RASGEF1C: variants seen among roughly 807,000 people sequenced by gnomAD.
The protein encoded by RASGEF1C is RasGEF domain family member 1C.
In RASGEF1C, 27 loss-of-function variants were observed where a neutral mutation model predicts 58.1. That is an observed-to-expected ratio of 0.46 (90% CI 0.34 to 0.64). RASGEF1C has a LOEUF of 0.64. RASGEF1C is among the 30% of genes least tolerant of loss of function. The pLI is 0.01. For synonymous variants in RASGEF1C, 243 were observed against 246.3 expected, an observed-to-expected ratio of 0.99 and a Z score of 0.13; for missense variants, 502 against 605.1, an observed-to-expected ratio of 0.83 and a Z score of 1.79.
intron 1 of RASGEF1C, among the ~76,000 whole-genome samples, chr5:180,174,482 G>A (rs1264860452): frequency 1.7e-5 from 1 of 60,054 alleles, no homozygotes; most frequent in Non-Finnish European, 4.0e-5. Flanking sequence ...ATGTGTGTCT[G>A]TGTGTGCGCG....
intron 4 of RASGEF1C, among the ~76,000 whole-genome samples, chr5:180,130,212 C>T (rs1428914269): frequency 3.9e-5 from 6 of 152,196 alleles, no homozygotes; most frequent in African/African-American, 1.4e-4. Context: ...TGGATGAGTA[C>T]TGTTGGGAGC....
At chr5:180,140,676 C>G (rs1299008743) in intron 1 of RASGEF1C, among the ~76,000 whole-genome samples, 1 of 152,208 alleles carries the variant, frequency 6.6e-6, no homozygotes, top group African/African-American at 2.4e-5. Context: ...CAGCTGGGGA[C>G]ACAGAGGACA....
intron 1 of RASGEF1C, among the ~76,000 whole-genome samples, chr5:180,183,416 G>T (rs536534083): frequency 4.6e-5 from 7 of 150,968 alleles, no homozygotes; most frequent in Non-Finnish European, 7.4e-5. Context: ...ACACAGCAAA[G>T]GGATATAGCT....
chr5:180,182,126 A>T (rs994271152), intron 1 of RASGEF1C, among the ~76,000 whole-genome samples: 13 of 144,858 alleles, frequency 9.0e-5, no homozygotes, highest in Non-Finnish European at 1.5e-4. Flanking sequence ...AATGGCGGGA[A>T]CCCGGGAGGT....
chr5:180,131,176 A>G (rs1470615008), intron 4 of RASGEF1C, among the ~76,000 whole-genome samples: 1 of 152,160 alleles, frequency 6.6e-6, no homozygotes, highest in Non-Finnish European at 1.5e-5. Flanking sequence ...TTCAAAATGC[A>G]AATCTGATCG....
Position 180,137,492 on chromosome 5 carries a change from G to C in RASGEF1C, c.300+98C>G. 11 of 1,500,610 alleles carry C rather than the reference G, an allele frequency of 7.3e-6. No individual in the cohort carries two copies. The highest frequency in any genetic ancestry group is 9.9e-6 in the Non-Finnish European group (11 of 1,110,976). The allele number at this position is 1,500,610 out of a possible 1,614,324, so 93.0% of individuals were successfully genotyped here. Reference sequence around the variant, plus strand: ...CCGGTAGCCACCTTGTCAGGAAAACGGGGACAATCATTGCCTCCCCGAGAG... The same window carrying C: ...CCGGTAGCCACCTTGTCAGGAAAACCGGGACAATCATTGCCTCCCCGAGAG... On this transcript the variant is annotated intron_variant, in intron 3 of 13. Coordinates refer to ENST00000361132, the MANE Select transcript of RASGEF1C (RefSeq NM_175062.4). This position sits in a 1 kb window ranked among gnomAD's most constrained non-coding sequence, Gnocchi z 4.1.
chr5:180,166,944 CCTTAT>C (rs1162933283), intron 1 of RASGEF1C, among the ~76,000 whole-genome samples: 2 of 152,130 alleles, frequency 1.3e-5, no homozygotes, highest in Non-Finnish European at 2.9e-5. Flanking sequence ...ACCATTCTTC[CCTTAT>C]AAGTAAAATA....
intron 1 of RASGEF1C, among the ~76,000 whole-genome samples, chr5:180,181,462 A>C (rs1260387147): frequency 6.6e-6 from 1 of 152,194 alleles, no homozygotes; most frequent in Non-Finnish European, 1.5e-5. Flanking sequence ...AGTGAAGAGG[A>C]GGCCACACTG....
intron 1 of RASGEF1C, among the ~76,000 whole-genome samples, chr5:180,160,371 C>G (rs1017109781): frequency 1.3e-5 from 2 of 152,192 alleles, no homozygotes; most frequent in Non-Finnish European, 2.9e-5. Flanking sequence ...CTGGGCATGT[C>G]GCCCTGTGAG....
chr5:180,106,989 G>A (rs556972241), intron 12 of RASGEF1C, among the ~76,000 whole-genome samples: 2 of 152,136 alleles, frequency 1.3e-5, no homozygotes, highest in Non-Finnish European at 2.9e-5. Flanking sequence ...TATCTTGGGG[G>A]ACTGACCCTA....
At chr5:180,203,908 G>T (rs549530776) in intron 1 of RASGEF1C, among the ~76,000 whole-genome samples, 11 of 152,156 alleles carry the variant, frequency 7.2e-5, no homozygotes, top group African/African-American at 2.4e-4. Flanking sequence ...CAGGAGAGTC[G>T]CTTGAACCTG....
chr5:180,105,473 A>T (rs1451602359), intron 12 of RASGEF1C, among the ~76,000 whole-genome samples: 1 of 151,616 alleles, frequency 6.6e-6, no homozygotes, highest in Non-Finnish European at 1.5e-5. Context: ...GAGGCAGGAG[A>T]ATGGTGTGAA....
chr5:180,141,087 CAA>C (rs1766570937), intron 1 of RASGEF1C, among the ~76,000 whole-genome samples: 1 of 152,194 alleles, frequency 6.6e-6, no homozygotes, highest in Admixed American at 6.5e-5. Context: ...CTTCTTTACG[CAA>C]AGACAAGGAC....
intron 1 of RASGEF1C, among the ~76,000 whole-genome samples, chr5:180,182,634 C>A (rs1767366194): frequency 6.6e-6 from 1 of 152,060 alleles, no homozygotes; most frequent in Admixed American, 6.6e-5. Flanking sequence ...CTTAGCTAGA[C>A]ACAGAGCACT....
intron 1 of RASGEF1C, among the ~76,000 whole-genome samples, chr5:180,171,293 G>T (rs189682481): frequency 2.6e-5 from 4 of 152,098 alleles, no homozygotes; most frequent in African/African-American, 9.6e-5. Context: ...TTCTGGGGAA[G>T]GGAGGGCAGG....
rs10577396 is a variant in RASGEF1C, at chr5:180,205,715, A to ATATTATTATTATTAT, written c.-7+3298_-7+3312dup. Among the ~76,000 whole-genome samples the ATATTATTATTATTAT allele has an allele frequency of 1.5e-3, 222 of 147,150 alleles. 2 individuals are homozygous for ATATTATTATTATTAT. Among genetic ancestry groups the ATATTATTATTATTAT allele is most frequent in the African/African-American group, 5.4e-3 (214 of 39,976 alleles). ...TAAAGTCCTCTTTGCCATTATTATA[A>ATATTATTATTATTAT]TATTATTATTATTATTATTATTATT... On this transcript the variant is annotated intron_variant, in intron 1 of 13. Transcript: ENST00000361132.
chr5:180,162,496 G>C (rs946780459), intron 1 of RASGEF1C, among the ~76,000 whole-genome samples: 4 of 152,324 alleles, frequency 2.6e-5, no homozygotes, highest in Admixed American at 2.6e-4. Context: ...CAGCCATGTG[G>C]GGCAGACCCA....
At position 180,199,719 on chromosome 5, in the gene RASGEF1C, T is replaced by C. The variant is rs1018526342; in HGVS notation, c.-7+9309A>G. On this transcript the variant is annotated intron_variant, in intron 1 of 13. Transcript: ENST00000361132. The stretch of plus-strand genomic sequence containing the variant: ...CCCTCCCTCCCTCCTTCCTTCCTTC[T>C]TTCCCGGATGGGATCTTGTTCTGTA... 2.2e-5 allele frequency among the ~76,000 whole-genome samples: 3 copies of C among 138,472 alleles called. No homozygotes were observed. In the South Asian group the frequency reaches 8.1e-4, roughly 37 times the overall value. 90.8% of individuals were successfully genotyped at this position (138,472 alleles called of 152,430 possible). A position where few individuals can be genotyped will look rare whatever the true frequency, so the allele number is the denominator to read the frequency against.
intron 1 of RASGEF1C, among the ~76,000 whole-genome samples, chr5:180,184,856 C>G (rs1304514197): frequency 4.6e-5 from 7 of 152,318 alleles, no homozygotes; most frequent in South Asian, 2.1e-4. Context: ...ATATAACCAT[C>G]TTAAGCATGT....
Sources: allele counts gnomAD v4.1 joint callset (sites outside exome capture counted in the v4.1 genomes callset), GRCh38; gene constraint gnomAD v4.1.1; non-coding constraint Gnocchi (gnomAD v3.1); transcripts MANE v1.5; gene names NCBI Gene and HGNC (gene_info 2026-07-23, HGNC 2026-07-21).